The following INPP5A variants were observed in gnomAD, a reference collection of about 807,000 sequenced individuals.
The protein encoded by INPP5A is inositol polyphosphate-5-phosphatase A.
Under a neutral mutation model 65.2 loss-of-function variants are expected in INPP5A, and 14 were observed. The observed-to-expected ratio is 0.21, with a 90% CI of 0.14 to 0.34. The LOEUF is 0.34. Ranked by LOEUF, INPP5A falls within the 10% of genes least tolerant of loss-of-function variation. The pLI is 1.00. For missense variants in INPP5A, 431 were observed against 545.6 expected (o/e 0.79, Z 2.09); for synonymous variants, 207 against 208.3 (o/e 0.99, Z 0.05).
At chr10:132,766,102 G>C (rs769100769) in intron 12 of INPP5A, among the ~76,000 whole-genome samples, 7 of 151,842 alleles carry the variant, frequency 4.6e-5, no homozygotes, top group African/African-American at 7.3e-5. Context: ...GTGTGCACGA[G>C]TGCATCTGTG....
In INPP5A at chr10:132,700,452, C is replaced by T. The variant is rs563189954; in HGVS notation, c.474+2533C>T. ...TTGATGATCTGCAAAGGTTTTCTGA[C>T]GTTTCCTCTTCCCTGGTAAATTAAC... On this transcript the variant is annotated intron_variant, in intron 6 of 15. Coordinates refer to ENST00000368594, the MANE Select transcript of INPP5A (RefSeq NM_005539.5). Among the ~76,000 whole-genome samples the T allele has an allele frequency of 9.8e-5, 15 of 152,370 alleles. No individual in the cohort carries two copies. In the East Asian group the frequency reaches 2.7e-3, roughly 27 times the overall value.
chr10:132,613,951 A>C (rs1301465384), intron 2 of INPP5A, among the ~76,000 whole-genome samples: 1 of 152,236 alleles, frequency 6.6e-6, no homozygotes, highest in Non-Finnish European at 1.5e-5. Context: ...GCTTTTATAT[A>C]GGGAAGAACT....
At chr10:132,625,481 G>A (rs1043380436) in intron 2 of INPP5A, among the ~76,000 whole-genome samples, 9 of 152,176 alleles carry the variant, frequency 5.9e-5, no homozygotes, top group Non-Finnish European at 1.2e-4. Flanking sequence ...GAGCTGGGAG[G>A]TGCAGGAAAA....
At chr10:132,763,077 A>G (rs1187253745) in intron 11 of INPP5A, among the ~76,000 whole-genome samples, 1 of 152,368 alleles carries the variant, frequency 6.6e-6, no homozygotes, top group Admixed American at 6.5e-5. Flanking sequence ...TTGGTGGTGC[A>G]GGGGAGATCT....
rs2072020593 is a variant in INPP5A at position 132,615,568 on chromosome 10, G to C, written c.117+7612G>C. Among the ~76,000 whole-genome samples, 3 of 152,346 alleles carry C rather than the reference G, an allele frequency of 2.0e-5. No individual in the cohort carries two copies. In the South Asian group the frequency reaches 6.2e-4, roughly 32 times the overall value. On this transcript the variant is annotated intron_variant, in intron 2 of 15. Transcript: ENST00000368594. ...TTCACTGCGCTTGGTTTGACCGAAG[G>C]GGTGGGACCCAGCCTGCATTCGACA...
chr10:132,596,514 A>T (rs1414091641), intron 1 of INPP5A, among the ~76,000 whole-genome samples: 6 of 148,358 alleles, frequency 4.0e-5, no homozygotes, highest in Non-Finnish European at 6.0e-5. Context: ...TGCAACCTCC[A>T]CCTCCCAGGT....
Position 132,675,903 on chromosome 10 carries a change from A to T in INPP5A, c.307-14489A>T, listed in dbSNP as rs955237430. 2.0e-5 allele frequency among the ~76,000 whole-genome samples: 3 copies of T among 152,336 alleles called. No individual in the cohort carries two copies. In the East Asian group the frequency reaches 5.8e-4, roughly 29 times the overall value. ...GTGCATTTTACTTTAATTATTCTAT[A>T]TCCATAATGCACATAACCAGTTTCT... On this transcript the variant is annotated intron_variant, in intron 4 of 15. Coordinates refer to ENST00000368594, the MANE Select transcript of INPP5A (RefSeq NM_005539.5). The surrounding 1 kb of genome is among the most constrained non-coding windows in gnomAD (Gnocchi z 4.2).
At chr10:132,729,125 C>T (rs911658765) in intron 9 of INPP5A, among the ~76,000 whole-genome samples, 1 of 152,184 alleles carries the variant, frequency 6.6e-6, no homozygotes, top group African/African-American at 2.4e-5. Flanking sequence ...TGGGCAACTC[C>T]TATGAAGGAC....
At chr10:132,710,813 A>G (rs909154359) in intron 8 of INPP5A, among the ~76,000 whole-genome samples, 12 of 109,402 alleles carry the variant, frequency 1.1e-4, no homozygotes, top group African/African-American at 4.1e-4. Context: ...GTGGAGAGGT[A>G]GGTGTGCTGG....
chr10:132,607,773 C>A, intron 1 of INPP5A, 142 bp from the exon 2 acceptor site: 2 of 787,540 alleles, frequency 2.5e-6, no homozygotes, highest in South Asian at 1.6e-5. Flanking sequence ...TTTCCCCGTG[C>A]GGGTGGAGCT....
At chr10:132,692,626 C>G (rs1401605229) in intron 5 of INPP5A, among the ~76,000 whole-genome samples, 2 of 152,142 alleles carry the variant, frequency 1.3e-5, no homozygotes, top group African/African-American at 4.8e-5. Flanking sequence ...TTCCCAGGAA[C>G]CATGCAAGAA....
intron 1 of INPP5A, among the ~76,000 whole-genome samples, chr10:132,541,112 A>G (rs2070901190): frequency 6.6e-6 from 1 of 151,916 alleles, no homozygotes. Context: ...TCAGCATCCT[A>G]AGTAGCTGGG....
At chr10:132,612,672 GC>G (rs1333162401) in intron 2 of INPP5A, among the ~76,000 whole-genome samples, 1 of 152,178 alleles carries the variant, frequency 6.6e-6, no homozygotes, top group African/African-American at 2.4e-5. Flanking sequence ...CTTGCCCCTT[GC>G]CTGGCCGTGT....
intron 11 of INPP5A, among the ~76,000 whole-genome samples, chr10:132,757,210 C>T (rs1330588805): frequency 2.0e-5 from 3 of 152,228 alleles, no homozygotes; most frequent in African/African-American, 7.2e-5. Context: ...CATTCTGTTA[C>T]TCTCAGCGCT....
intron 6 of INPP5A, among the ~76,000 whole-genome samples, chr10:132,700,606 C>T (rs1243181250): frequency 1.3e-4 from 20 of 152,056 alleles, no homozygotes; most frequent in South Asian, 6.3e-4. Context: ...GGGAGGGGCC[C>T]GGGGAGCCAT....
chr10:132,782,226 A>G lies in INPP5A; in HGVS notation c.*197A>G, dbSNP rs1212483424. On this transcript the variant is annotated 3_prime_UTR_variant, in exon 16 of 16. Coordinates refer to ENST00000368594, the MANE Select transcript of INPP5A (RefSeq NM_005539.5). The surrounding 1 kb of genome is among the most constrained non-coding windows in gnomAD (Gnocchi z 4.4). Reference sequence around the variant, plus strand: ...ACATACCTCACTGTCTCGTCTGTCTATGTGACATTAAGTAGAAATATTGGT... The same window carrying G: ...ACATACCTCACTGTCTCGTCTGTCTGTGTGACATTAAGTAGAAATATTGGT... 1.6e-6 allele frequency: 1 copy of G among 609,794 alleles called. No individual in the cohort carries two copies. The highest frequency in any genetic ancestry group is 2.8e-6 in the Non-Finnish European group (1 of 360,452). The allele number at this position is 609,794 out of a possible 1,614,324, so 37.8% of individuals were successfully genotyped here.
Position 132,757,029 on chromosome 10 carries a change from A to G in INPP5A, c.903+7184A>G, listed in dbSNP as rs186259626. Among the ~76,000 whole-genome samples the G allele has an allele frequency of 3.6e-3, 550 of 152,392 alleles. 3 individuals are homozygous for G. Among genetic ancestry groups the G allele is most frequent in the Non-Finnish European group, 5.6e-3 (380 of 68,042 alleles). On this transcript the variant is annotated intron_variant, in intron 11 of 15. Transcript: ENST00000368594. Reference sequence around the variant, plus strand: ...AAACAATATTTTATACAGCTATACAATGTGTTTTAAGCCAAGTACTATTTG... The same window carrying G: ...AAACAATATTTTATACAGCTATACAGTGTGTTTTAAGCCAAGTACTATTTG...
chr10:132,638,846 G>A (rs1171240113), intron 2 of INPP5A, among the ~76,000 whole-genome samples: 1 of 152,198 alleles, frequency 6.6e-6, no homozygotes, highest in African/African-American at 2.4e-5. Context: ...GGGATTAGAG[G>A]TGTGAGCCAT....
chr10:132,725,074 C>T (rs967891096), intron 8 of INPP5A, among the ~76,000 whole-genome samples: 3 of 151,950 alleles, frequency 2.0e-5, no homozygotes, highest in African/African-American at 4.9e-5. Flanking sequence ...GGGTTACTCT[C>T]CAGAACTCAC....
Sources: allele counts gnomAD v4.1 joint callset (sites outside exome capture counted in the v4.1 genomes callset), GRCh38; gene constraint gnomAD v4.1.1; non-coding constraint Gnocchi (gnomAD v3.1); transcripts MANE v1.5; gene names NCBI Gene and HGNC (gene_info 2026-07-23, HGNC 2026-07-21).